ZBTB20: variants seen among roughly 807,000 people sequenced by gnomAD.
The protein encoded by ZBTB20 is zinc finger and BTB domain-containing protein 20.
A neutral mutation model predicts 56.9 loss-of-function variants in ZBTB20; 9 were observed. The ratio of observed to expected loss-of-function variants is 0.16; its 90% confidence interval spans 0.10 to 0.28. The LOEUF (loss-of-function observed/expected upper bound fraction) is 0.28. ZBTB20 is among the 10% of genes least tolerant of loss of function. ZBTB20 has a pLI of 1.00. For synonymous variants in ZBTB20, 417 were observed against 420.7 expected, an observed-to-expected ratio of 0.99 and a Z score of 0.11; for missense variants, 655 against 1,003.0, an observed-to-expected ratio of 0.65 and a Z score of 4.69.
chr3:114,599,629 T>C (rs905708585), intron 6 of ZBTB20, among the ~76,000 whole-genome samples: 2 of 152,082 alleles, frequency 1.3e-5, no homozygotes, highest in Non-Finnish European at 2.9e-5. Context: ...AGCTAACTCT[T>C]ATTGGTTGCT....
chr3:114,339,067 C>T lies in ZBTB20; in HGVS notation c.2164G>A (p.Ala722Thr). The change falls in exon 12 of 12, where the codon GCA becomes ACA. Residue 722 changes from alanine (A) to threonine (T), a missense_variant. This residue lies in a region of ZBTB20 where 89 missense variants were observed against 79.7 expected (regional missense o/e 1.12). Coordinates refer to ENST00000675478, the MANE Select transcript of ZBTB20 (RefSeq NM_001348800.3). The surrounding 1 kb of genome is among the most constrained non-coding windows in gnomAD (Gnocchi z 4.2). ...GTTYVCSVCP[A>T]KFDQIEQFND... ...AACTGCTCGATTTGGTCAAACTTTG[C>T]TGGGCAGACGGAGCAGACGTAAGTG... 6.4e-7 allele frequency: 1 copy of T among 1,555,572 alleles called. No individual in the cohort carries two copies. The highest frequency in any genetic ancestry group is 1.2e-5 in the South Asian group (1 of 81,054).
chr3:114,868,107 C>T (rs2075842669), intron 4 of ZBTB20, among the ~76,000 whole-genome samples: 1 of 152,110 alleles, frequency 6.6e-6, no homozygotes, highest in African/African-American at 2.4e-5. Context: ...GCTGCAACAG[C>T]TGGGACAAGA....
intron 7 of ZBTB20, among the ~76,000 whole-genome samples, chr3:114,491,015 T>C (rs2042693964): frequency 6.6e-6 from 1 of 152,218 alleles, no homozygotes; most frequent in East Asian, 1.9e-4. Context: ...CACCCTGGAC[T>C]GTGAGCTATT....
Position 114,983,660 on chromosome 3 carries a change from G to C in ZBTB20, c.-506-9244C>G, listed in dbSNP as rs1355679359. 2.6e-5 allele frequency among the ~76,000 whole-genome samples: 4 copies of C among 151,982 alleles called. No individual in the cohort carries two copies. In the East Asian group the frequency reaches 5.8e-4, roughly 22 times the overall value. The stretch of plus-strand genomic sequence containing the variant: ...GCTTCATCCTTTCAATTAAGGCATA[G>C]ACTTTTGCCTATCTGTGATATAAAA... On this transcript the variant is annotated intron_variant, in intron 2 of 11. Coordinates refer to ENST00000675478, the MANE Select transcript of ZBTB20 (RefSeq NM_001348800.3).
chr3:114,802,825 A>G (rs527407802), intron 4 of ZBTB20, among the ~76,000 whole-genome samples: 52 of 152,066 alleles, frequency 3.4e-4, no homozygotes, highest in Non-Finnish European at 6.2e-4. Flanking sequence ...ATGGTTAGCG[A>G]AACAAATTCA....
At chr3:114,974,958 A>T (rs578179555) in intron 2 of ZBTB20, among the ~76,000 whole-genome samples, 9 of 152,314 alleles carry the variant, frequency 5.9e-5, no homozygotes, top group African/African-American at 2.2e-4. Flanking sequence ...TAAAGATGCA[A>T]AGGGTAACAT....
chr3:114,655,811 A>T (rs1207493166), intron 6 of ZBTB20, among the ~76,000 whole-genome samples: 1 of 152,204 alleles, frequency 6.6e-6, no homozygotes, highest in Non-Finnish European at 1.5e-5. Context: ...CAAGTACTAT[A>T]GACTCATGAG....
intron 6 of ZBTB20, among the ~76,000 whole-genome samples, chr3:114,563,807 T>C (rs2052387672): frequency 6.6e-6 from 1 of 152,190 alleles, no homozygotes; most frequent in South Asian, 2.1e-4. Flanking sequence ...AAGATTAAGT[T>C]AATAAAGGCT....
chr3:114,517,988 G>T (rs1275487963), intron 6 of ZBTB20, among the ~76,000 whole-genome samples: 3 of 152,120 alleles, frequency 2.0e-5, no homozygotes, highest in African/African-American at 7.2e-5. Flanking sequence ...ATTCTAAGGG[G>T]AAAAATTTGA....
chr3:114,492,551 C>G (rs2042864101), intron 7 of ZBTB20, among the ~76,000 whole-genome samples: 1 of 152,164 alleles, frequency 6.6e-6, no homozygotes, highest in Non-Finnish European at 1.5e-5. Context: ...TCAGTTCCAT[C>G]AATTTCCTCC....
intron 6 of ZBTB20, among the ~76,000 whole-genome samples, chr3:114,681,395 A>C (rs764769998): frequency 2.1e-4 from 32 of 152,180 alleles, no homozygotes; most frequent in Admixed American, 3.9e-4. Context: ...TCCTGACTTC[A>C]GGTGATCCAC....
rs2079312964 is a variant in ZBTB20 at position 114,332,892 on chromosome 3, G to T, written c.*6113C>A. ...GATAATGTTTCTTGTTTCAACCCAG[G>T]GCATTTTTACCCATCATGCAGTGAG... On this transcript the variant is annotated 3_prime_UTR_variant, in exon 12 of 12. Transcript: ENST00000675478. 1 of 151,100 alleles carries T rather than the reference G, an allele frequency of 6.6e-6. No homozygotes were observed. Among genetic ancestry groups the T allele is most frequent in the Non-Finnish European group, 1.5e-5 (1 of 67,914 alleles). 9.4% of individuals were successfully genotyped at this position (151,100 alleles called of 1,614,324 possible). A position where few individuals can be genotyped will look rare whatever the true frequency, so the allele number is the denominator to read the frequency against.
rs896582030 is a variant in ZBTB20 at position 114,523,894 on chromosome 3, G to C, written c.-294-23503C>G. Among the ~76,000 whole-genome samples the C allele has an allele frequency of 2.0e-5, 3 of 152,114 alleles. No homozygotes were observed. The East Asian group carries it at 5.8e-4, about 29-fold the overall frequency. The stretch of plus-strand genomic sequence containing the variant: ...ACAAGGAAACATATTATATTTGCTG[G>C]GCAGCATTAACGGCCTCCTTGAGGG... On this transcript the variant is annotated intron_variant, in intron 6 of 11. Transcript: ENST00000675478.
At chr3:114,842,866 G>C (rs2074444963) in intron 4 of ZBTB20, among the ~76,000 whole-genome samples, 1 of 152,140 alleles carries the variant, frequency 6.6e-6, no homozygotes, top group Non-Finnish European at 1.5e-5. Flanking sequence ...TCCTGCACTA[G>C]TACTGATATG....
At chr3:114,884,625 T>G (rs2076535988) in intron 4 of ZBTB20, among the ~76,000 whole-genome samples, 1 of 152,218 alleles carries the variant, frequency 6.6e-6, no homozygotes, top group South Asian at 2.1e-4. Flanking sequence ...ATGAAGCTTT[T>G]GGTGAAATTT....
intron 4 of ZBTB20, among the ~76,000 whole-genome samples, chr3:114,887,172 T>C (rs1285158850): frequency 1.3e-5 from 2 of 152,198 alleles, no homozygotes; most frequent in Non-Finnish European, 2.9e-5. Flanking sequence ...CATCCATTCA[T>C]GGGCCCTCAT....
Position 114,316,280 on chromosome 3 carries a change from G to T in ZBTB20, c.*22725C>A. The T allele has an allele frequency of 5.9e-6, 2 of 339,294 alleles. No homozygotes were observed. Among genetic ancestry groups the T allele is most frequent in the Non-Finnish European group, 1.1e-5 (2 of 181,410 alleles). The allele number at this position is 339,294 out of a possible 1,614,324, so 21.0% of individuals were successfully genotyped here. ...ACTAACACTGTTCCTTTTTTTCCTT[G>T]TTACAATCCATTCTTTATGAACATA... On this transcript the variant is annotated 3_prime_UTR_variant, in exon 12 of 12. Coordinates refer to ENST00000675478, the MANE Select transcript of ZBTB20 (RefSeq NM_001348800.3).
chr3:114,576,416 G>A (rs2054032849), intron 6 of ZBTB20, among the ~76,000 whole-genome samples: 1 of 146,354 alleles, frequency 6.8e-6, no homozygotes, highest in Non-Finnish European at 1.5e-5. Context: ...GCAGGAGAAC[G>A]GCGTGAACCC....
chr3:114,349,290 A>C (rs2080449706), intron 11 of ZBTB20, among the ~76,000 whole-genome samples: 1 of 152,120 alleles, frequency 6.6e-6, no homozygotes, highest in African/African-American at 2.4e-5. Flanking sequence ...TGACATCACA[A>C]TCGCTTATGT....
Sources: allele counts gnomAD v4.1 joint callset (sites outside exome capture counted in the v4.1 genomes callset), GRCh38; gene constraint gnomAD v4.1.1; regional missense constraint gnomAD v4.1.1; non-coding constraint Gnocchi (gnomAD v3.1); transcripts MANE v1.5; gene names NCBI Gene and HGNC (gene_info 2026-07-23, HGNC 2026-07-21).